PARP8: variants seen among roughly 807,000 people sequenced by gnomAD.
PARP8 encodes the protein poly(ADP-ribose) polymerase family member 8.
Under a neutral mutation model 124.1 loss-of-function variants are expected in PARP8, and 51 were observed. That is an observed-to-expected ratio of 0.41 (90% CI 0.33 to 0.52). The LOEUF (loss-of-function observed/expected upper bound fraction) is 0.52. Ranked by LOEUF, PARP8 falls within the 20% of genes least tolerant of loss-of-function variation. The pLI is 0.21. For synonymous variants in PARP8, 391 were observed against 361.5 expected, an observed-to-expected ratio of 1.08 and a Z score of -0.93; for missense variants, 860 against 1,018.9, an observed-to-expected ratio of 0.84 and a Z score of 2.12.
intron 9 of PARP8, among the ~76,000 whole-genome samples, chr5:50,784,417 C>G (rs1023877420): frequency 2.0e-5 from 3 of 152,052 alleles, no homozygotes; most frequent in Non-Finnish European, 2.9e-5. Flanking sequence ...TCTGGAATTA[C>G]TGATATAGAG....
At position 50,799,940 on chromosome 5, in the gene PARP8, C is replaced by A. The variant is rs145137433; in HGVS notation, c.1575+2707C>A. 1.9e-3 allele frequency among the ~76,000 whole-genome samples: 295 copies of A among 152,332 alleles called. 3 individuals carry two copies. The highest frequency in any genetic ancestry group is 6.7e-3 in the African/African-American group (279 of 41,566). ...GCACTGAATCTCCTGACATCTTTATCTTCCCAGCCTTCAAAACTGTGAGAA... is the reference window on the plus strand; with the variant it reads ...GCACTGAATCTCCTGACATCTTTATATTCCCAGCCTTCAAAACTGTGAGAA... On this transcript the variant is annotated intron_variant, in intron 14 of 25. Coordinates refer to ENST00000281631, the MANE Select transcript of PARP8 (RefSeq NM_024615.4).
At chr5:50,717,369 G>A (rs1390112540) in intron 2 of PARP8, among the ~76,000 whole-genome samples, 1 of 151,982 alleles carries the variant, frequency 6.6e-6, no homozygotes, top group African/African-American at 2.4e-5. Context: ...AATCAATCAT[G>A]AGAATAATGT....
At chr5:50,787,745 T>C (rs1188475920) in intron 9 of PARP8, among the ~76,000 whole-genome samples, 5 of 151,858 alleles carry the variant, frequency 3.3e-5, no homozygotes, top group Non-Finnish European at 7.4e-5. Context: ...GTTATTAATT[T>C]AATTAATATA....
chr5:50,795,055 G>A lies in PARP8; in HGVS notation c.1066G>A (p.Ala356Thr). ...SDPRAEQAMT[A>T]IKSHKLLNRP... ...TCCCAGGGCGGAGCAGGCTATGACA[G>A]CAATTAAATCGCACAAACTTTTGAA... Residue 356 changes from alanine (A) to threonine (T), a missense_variant, in exon 12 of 26, where the codon GCA (alanine) becomes ACA (threonine). Around this residue, in one of 2 missense-constraint regions of PARP8, gnomAD observed 517 missense variants for 544.2 expected, o/e 0.95. Coordinates refer to ENST00000281631, the MANE Select transcript of PARP8 (RefSeq NM_024615.4). 4 of 1,614,218 alleles carry A rather than the reference G, an allele frequency of 2.5e-6. No individual in the cohort carries two copies. Among genetic ancestry groups the A allele is most frequent in the Non-Finnish European group, 3.4e-6 (4 of 1,180,042 alleles).
upstream of PARP8, among the ~76,000 whole-genome samples, chr5:50,666,220 C>T (rs115596628): frequency 5.5e-3 from 838 of 152,134 alleles, 7 homozygotes; most frequent in African/African-American, 0.019. Context: ...AGGCCTTTTC[C>T]GTGTTATGTG....
chr5:50,772,859 G>A (rs1225565130), intron 7 of PARP8, among the ~76,000 whole-genome samples: 1 of 152,032 alleles, frequency 6.6e-6, no homozygotes, highest in African/African-American at 2.4e-5. Flanking sequence ...ACCACACCTG[G>A]CTAATTTTTT....
At chr5:50,738,389 A>G (rs1165066600) in intron 2 of PARP8, among the ~76,000 whole-genome samples, 2 of 152,228 alleles carry the variant, frequency 1.3e-5, no homozygotes, top group African/African-American at 2.4e-5. Context: ...AATTTATTCT[A>G]TAAAATTTAT....
chr5:50,742,761 C>T (rs1302446351), intron 2 of PARP8, among the ~76,000 whole-genome samples: 1 of 152,178 alleles, frequency 6.6e-6, no homozygotes. Context: ...TTTCATTGTC[C>T]TTTCCAGCAG....
chr5:50,673,905 T>C (rs899136125), intron 2 of PARP8, among the ~76,000 whole-genome samples: 1 of 152,242 alleles, frequency 6.6e-6, no homozygotes, highest in African/African-American at 2.4e-5. Context: ...ATTTTGTAAT[T>C]ATCTGCCCAG....
chr5:50,743,010 A>G (rs551149508), intron 2 of PARP8, among the ~76,000 whole-genome samples: 1 of 152,298 alleles, frequency 6.6e-6, no homozygotes, highest in South Asian at 2.1e-4. Context: ...AGTAAGAGGA[A>G]AGGAGTGAGA....
At chr5:50,800,713 A>G (rs1743106946) in intron 14 of PARP8, among the ~76,000 whole-genome samples, 1 of 149,024 alleles carries the variant, frequency 6.7e-6, no homozygotes, top group Non-Finnish European at 1.5e-5. Context: ...TGATTTTTTG[A>G]TATGCACTAA....
chr5:50,743,575 G>A (rs1240308946), intron 2 of PARP8, among the ~76,000 whole-genome samples: 2 of 151,988 alleles, frequency 1.3e-5, no homozygotes, highest in African/African-American at 4.8e-5. Context: ...GAAAGCTCCA[G>A]TGTGTCTGGG....
intron 25 of PARP8, among the ~76,000 whole-genome samples, chr5:50,838,169 G>T (rs892680180): frequency 3.9e-5 from 6 of 151,940 alleles, no homozygotes; most frequent in Non-Finnish European, 8.8e-5. Flanking sequence ...AAATTCCCTG[G>T]CCAACATCTC....
intron 9 of PARP8, among the ~76,000 whole-genome samples, chr5:50,784,426 A>G (rs981769087): frequency 2.0e-5 from 3 of 152,296 alleles, no homozygotes; most frequent in East Asian, 3.9e-4. Context: ...ACTGATATAG[A>G]GATGCAGTTT....
intron 22 of PARP8, among the ~76,000 whole-genome samples, chr5:50,830,425 T>G (rs1215571133): frequency 1.3e-5 from 2 of 152,086 alleles, no homozygotes; most frequent in Non-Finnish European, 2.9e-5. Context: ...GTAAATTTGG[T>G]GAGATTGTGG....
intron 3 of PARP8, among the ~76,000 whole-genome samples, chr5:50,753,840 A>G: frequency 6.6e-6 from 1 of 151,876 alleles, no homozygotes; most frequent in East Asian, 1.9e-4. Context: ...TTTGGAGCAG[A>G]ATAAAAGCAA....
At chr5:50,770,984 A>C (rs1761566080) in intron 7 of PARP8, among the ~76,000 whole-genome samples, 1 of 151,954 alleles carries the variant, frequency 6.6e-6, no homozygotes, top group Non-Finnish European at 1.5e-5. Flanking sequence ...AGATGCTTTG[A>C]TGGTTTTTAA....
At chr5:50,758,028 C>T (rs930984767) in intron 3 of PARP8, among the ~76,000 whole-genome samples, 1 of 151,828 alleles carries the variant, frequency 6.6e-6, no homozygotes, top group African/African-American at 2.4e-5. Context: ...AAGTAGCAAC[C>T]GACTTCAAAT....
intron 7 of PARP8, among the ~76,000 whole-genome samples, chr5:50,770,721 A>AAATG (rs1761534843): frequency 7.6e-6 from 1 of 132,366 alleles, no homozygotes; most frequent in South Asian, 2.3e-4. Flanking sequence ...GAGAGAAAGA[A>AAATG]AACGAAGGAA....
Sources: allele counts gnomAD v4.1 joint callset (sites outside exome capture counted in the v4.1 genomes callset), GRCh38; gene constraint gnomAD v4.1.1; regional missense constraint gnomAD v4.1.1; transcripts MANE v1.5; gene names NCBI Gene and HGNC (gene_info 2026-07-23, HGNC 2026-07-21).